The following CACNB2 variants were observed in gnomAD, a reference collection of about 807,000 sequenced individuals.
CACNB2 encodes calcium voltage-gated channel auxiliary subunit beta 2.
In CACNB2, 42 loss-of-function variants were observed where a neutral mutation model predicts 73.3. The observed-to-expected ratio is 0.57, with a 90% confidence interval of 0.45 to 0.74. The LOEUF (loss-of-function observed/expected upper bound fraction) is 0.74. Ranked by LOEUF, CACNB2 falls within the 30% of genes least tolerant of loss-of-function variation. The pLI is 0.00. For missense variants in CACNB2, 940 were observed against 853.0 expected (o/e 1.10, Z -1.27); for synonymous variants, 348 against 310.3 (o/e 1.12, Z -1.28).
chr10:18,160,949 TA>T (rs1016160742), intron 2 of CACNB2, among the ~76,000 whole-genome samples: 28 of 152,302 alleles, frequency 1.8e-4, no homozygotes, highest in Middle Eastern at 3.4e-3. Flanking sequence ...GTCTCATCTT[TA>T]GTCCGCAATT....
rs1189905144 is a variant in CACNB2 at position 18,302,690 on chromosome 10, G to A, written c.214-99234G>A. 2.0e-5 allele frequency among the ~76,000 whole-genome samples: 3 copies of A among 152,122 alleles called. No homozygotes were observed. In the East Asian group the frequency reaches 5.8e-4, roughly 29 times the overall value. On this transcript the variant is annotated intron_variant, in intron 2 of 13. Coordinates refer to ENST00000324631, the MANE Select transcript of CACNB2 (RefSeq NM_201596.3). The stretch of plus-strand genomic sequence containing the variant: ...GCATAAGAATGGCATAATGGACTTT[G>A]AGGACTCAGGGGGAAAGGGTGGGAA...
intron 2 of CACNB2, among the ~76,000 whole-genome samples, chr10:18,211,912 G>A (rs1387229858): frequency 6.6e-6 from 1 of 151,828 alleles, no homozygotes; most frequent in African/African-American, 2.4e-5. Context: ...AAATATGCAG[G>A]TGCATTAGTT....
At chr10:18,364,019 C>G (rs2042247017) in intron 2 of CACNB2, among the ~76,000 whole-genome samples, 1 of 149,946 alleles carries the variant, frequency 6.7e-6, no homozygotes, top group African/African-American at 2.5e-5. Context: ...ACAATCTAAG[C>G]TCACTGAAAC....
Position 18,324,710 on chromosome 10 carries a change from ACTGGGTGTGGT to A in CACNB2, c.214-77213_214-77203del, listed in dbSNP as rs2040517243. Among the ~76,000 whole-genome samples the A allele has an allele frequency of 2.0e-5, 3 of 152,174 alleles. No homozygotes were observed. The East Asian group carries it at 5.8e-4, about 30-fold the overall frequency. The stretch of plus-strand genomic sequence containing the variant: ...GTCTCTACTGAAAATACAAAAATTA[ACTGGGTGTGGT>A]GGCATGCGTCTGTATTCCCATCTAC... On this transcript the variant is annotated intron_variant, in intron 2 of 13. Coordinates refer to ENST00000324631, the MANE Select transcript of CACNB2 (RefSeq NM_201596.3).
At chr10:18,144,669 T>A (rs571439022) in intron 1 of CACNB2, among the ~76,000 whole-genome samples, 15 of 152,328 alleles carry the variant, frequency 9.8e-5, no homozygotes, top group African/African-American at 3.6e-4. Flanking sequence ...ACACACCAGA[T>A]ATCAAAGGCT....
chr10:18,300,114 C>T (rs1337334835), intron 2 of CACNB2, among the ~76,000 whole-genome samples: 11 of 152,060 alleles, frequency 7.2e-5, no homozygotes, highest in African/African-American at 2.2e-4. Context: ...CTCCACCTCC[C>T]GGGTTCAAGT....
intron 2 of CACNB2, among the ~76,000 whole-genome samples, chr10:18,255,197 G>T (rs2037233170): frequency 6.6e-6 from 1 of 152,140 alleles, no homozygotes; most frequent in Admixed American, 6.5e-5. Flanking sequence ...TGGCCCTCAT[G>T]ATCTTGCCTG....
chr10:18,259,834 C>T (rs2037456997), intron 2 of CACNB2, among the ~76,000 whole-genome samples: 1 of 151,852 alleles, frequency 6.6e-6, no homozygotes, highest in African/African-American at 2.4e-5. Context: ...GCAAGGCAAT[C>T]AAGAGTTCAA....
intron 2 of CACNB2, among the ~76,000 whole-genome samples, chr10:18,228,442 AAAAAAAAG>A (rs1366417578): frequency 6.6e-5 from 9 of 135,524 alleles, no homozygotes; most frequent in African/African-American, 2.6e-4. Flanking sequence ...TCAAAAAAAA[AAAAAAAAG>A]AAAAAAAAAA....
At chr10:18,141,669 TTTTTAC>T (rs2030423198) in intron 1 of CACNB2, among the ~76,000 whole-genome samples, 1 of 111,254 alleles carries the variant, frequency 9.0e-6, no homozygotes, top group Non-Finnish European at 1.9e-5. Flanking sequence ...GACAAGGTGG[TTTTTAC>T]GTTTTTACGT....
intron 2 of CACNB2, among the ~76,000 whole-genome samples, chr10:18,289,052 A>G (rs1036195767): frequency 3.3e-5 from 5 of 152,164 alleles, no homozygotes; most frequent in African/African-American, 1.2e-4. Flanking sequence ...CTCAAAACAA[A>G]GAAAAGTAAA....
At chr10:18,436,514 G>A (rs1028202548) in intron 3 of CACNB2, among the ~76,000 whole-genome samples, 2 of 152,192 alleles carry the variant, frequency 1.3e-5, no homozygotes, top group African/African-American at 4.8e-5. Flanking sequence ...AATAGGACTT[G>A]TAGGTAAAAA....
intron 2 of CACNB2, among the ~76,000 whole-genome samples, chr10:18,391,246 T>G (rs527707194): frequency 6.6e-6 from 1 of 152,224 alleles, no homozygotes; most frequent in South Asian, 2.1e-4. Context: ...GTTTTATTCT[T>G]TATTCATTAT....
At chr10:18,146,404 T>C (rs1396071735) in intron 1 of CACNB2, among the ~76,000 whole-genome samples, 3 of 150,494 alleles carry the variant, frequency 2.0e-5, no homozygotes, top group Non-Finnish European at 3.0e-5. Flanking sequence ...CCACCTTCCA[T>C]GTTGAAGCAA....
chr10:18,517,419 C>G (rs976799286), intron 7 of CACNB2, among the ~76,000 whole-genome samples: 4 of 152,218 alleles, frequency 2.6e-5, no homozygotes, highest in Middle Eastern at 3.4e-3. Flanking sequence ...AAGCAATTAA[C>G]CTGAAAAGTG....
intron 2 of CACNB2, among the ~76,000 whole-genome samples, chr10:18,277,633 C>G (rs920426308): frequency 1.3e-5 from 2 of 152,194 alleles, no homozygotes; most frequent in Admixed American, 1.3e-4. Context: ...TAAAGCATAT[C>G]TCATAAATTA....
At chr10:18,464,509 T>A (rs1259383755) in intron 3 of CACNB2, among the ~76,000 whole-genome samples, 1 of 151,728 alleles carries the variant, frequency 6.6e-6, no homozygotes, top group Non-Finnish European at 1.5e-5. Context: ...TCCCCACTTG[T>A]ATATTCACAC....
intron 2 of CACNB2, among the ~76,000 whole-genome samples, chr10:18,288,704 C>CACACACACACACACACACAG (rs746197406): frequency 1.3e-5 from 2 of 151,246 alleles, no homozygotes; most frequent in African/African-American, 2.4e-5. Flanking sequence ...CACACACACA[C>CACACACACACACACACACAG]AGAGATACCC....
intron 2 of CACNB2, among the ~76,000 whole-genome samples, chr10:18,310,880 G>T (rs546677022): frequency 6.6e-6 from 1 of 151,954 alleles, no homozygotes; most frequent in Non-Finnish European, 1.5e-5. Context: ...ACTGTGCCCG[G>T]ACTGTTTTCT....
Sources: gnomAD v4.1 joint callset for allele counts (sites outside exome capture counted in the v4.1 genomes callset) on GRCh38, gnomAD v4.1.1 for gene constraint, MANE v1.5 for transcripts, NCBI Gene and HGNC (gene_info 2026-07-23, HGNC 2026-07-21) for gene names.